PRSS16: variants seen among roughly 807,000 people sequenced by gnomAD.
The protein encoded by PRSS16 is serine protease 16.
A neutral mutation model predicts 61.7 loss-of-function variants in PRSS16; 43 were observed. The ratio of observed to expected loss-of-function variants is 0.70; its 90% confidence interval spans 0.55 to 0.90. The LOEUF (loss-of-function observed/expected upper bound fraction) is 0.90. PRSS16 is among the 40% of genes least tolerant of loss of function. The pLI, the probability that PRSS16 is intolerant of heterozygous loss-of-function variation, is 0.00. For synonymous variants in PRSS16, 273 were observed against 285.2 expected (o/e 0.96, Z 0.43); for missense variants, 591 against 659.1 (o/e 0.90, Z 1.13).
chr6:27,251,759 G>T lies in PRSS16; in HGVS notation c.727G>T (p.Ala243Ser). The change falls in exon 8 of 12, where the codon GCG (alanine) becomes TCG (serine). Residue 243 changes from alanine (A) to serine (S), a missense_variant. Transcript: ENST00000230582. The surrounding 1 kb of genome is among the most constrained non-coding windows in gnomAD (Gnocchi z 5.6). ...CTCTTGCTTCCCACAGTGCCGGGCGGCGGTGTCCGTCGCCTTCGCTGAAGT... is the reference window on the plus strand; with the variant it reads ...CTCTTGCTTCCCACAGTGCCGGGCGTCGGTGTCCGTCGCCTTCGCTGAAGT... ...AIGGSLECRA[A>S]VSVAFAEVER... The T allele has an allele frequency of 6.2e-7, 1 of 1,603,644 alleles. No homozygotes were observed.
Position 27,251,363 on chromosome 6 carries a change from CG to C in PRSS16, c.717+103del. 1 of 1,429,332 alleles carries C rather than the reference CG, an allele frequency of 7.0e-7. No individual in the cohort carries two copies. The highest frequency in any genetic ancestry group is 9.3e-7 in the Non-Finnish European group (1 of 1,069,818). 88.5% of individuals were successfully genotyped at this position (1,429,332 alleles called of 1,614,324 possible). Reference sequence around the variant, plus strand: ...GAGAAGGGCGAAACCTGCAACGTGGCGGGGTCTAAGGAAGGTCGGAGCTCGG... The same window carrying C: ...GAGAAGGGCGAAACCTGCAACGTGGCGGGTCTAAGGAAGGTCGGAGCTCGG... On this transcript the variant is annotated intron_variant, in intron 7 of 11. Coordinates refer to ENST00000230582, the MANE Select transcript of PRSS16 (RefSeq NM_005865.4). This position sits in a 1 kb window ranked among gnomAD's most constrained non-coding sequence, Gnocchi z 5.6.
chr6:27,251,611 G>GCCTGGGGGCGGGGC lies in PRSS16; in HGVS notation c.718-133_718-132insGGCGGGGCCCTGGG. The GCCTGGGGGCGGGGC allele has an allele frequency of 1.2e-6, 1 of 836,162 alleles. No individual in the cohort carries two copies. 51.8% of individuals were successfully genotyped at this position (836,162 alleles called of 1,614,324 possible). ...TGGGGGCGGGGGCCTGGGGGCGGGG[G>GCCTGGGGGCGGGGC]CCTGGGCCAAGAGCTAGGTCTGCAC... is the stretch of plus-strand genomic sequence containing the variant. On this transcript the variant is annotated intron_variant, in intron 7 of 11. Transcript: ENST00000230582. This position sits in a 1 kb window ranked among gnomAD's most constrained non-coding sequence, Gnocchi z 5.6.
rs138254301 is a variant in PRSS16, at chr6:27,247,744, G to C, written c.7G>C (p.Val3Leu). 2.5e-6 allele frequency: 4 copies of C among 1,575,342 alleles called. No homozygotes were observed. In the African/African-American group the frequency reaches 4.1e-5, roughly 16 times the overall value. MA[V>L]WLAQWLGPLL... ...GAACAGAGTCCCGAACACCATGGCCGTCTGGCTTGCCCAGTGGCTGGGCCC... is the reference window on the plus strand; with the variant it reads ...GAACAGAGTCCCGAACACCATGGCCCTCTGGCTTGCCCAGTGGCTGGGCCC... Residue 3 changes from valine (V) to leucine (L), a missense_variant, in exon 1 of 12, where the codon GTC becomes CTC. Physicochemically the swap from Val to Leu is conservative, Grantham distance 32. Transcript: ENST00000230582.
rs953184590 is a variant in PRSS16 at position 27,255,382 on chromosome 6, A to C, written c.*67A>C. On this transcript the variant is annotated 3_prime_UTR_variant, in exon 12 of 12. Coordinates refer to ENST00000230582, the MANE Select transcript of PRSS16 (RefSeq NM_005865.4). This position sits in a 1 kb window ranked among gnomAD's most constrained non-coding sequence, Gnocchi z 4.4. Reference sequence around the variant, plus strand: ...TGGACATACTTGTTCACTGAACAAAAGAAAGCAGCTTGTTTTGAAAGAAGA... The same window carrying C: ...TGGACATACTTGTTCACTGAACAAACGAAAGCAGCTTGTTTTGAAAGAAGA... 7 of 1,447,700 alleles carry C rather than the reference A, an allele frequency of 4.8e-6. No homozygotes were observed. The African/African-American group carries it at 1.0e-4, about 21-fold the overall frequency. The allele number at this position is 1,447,700 out of a possible 1,614,324, so 89.7% of individuals were successfully genotyped here.
At chr6:27,248,758 A>C (rs1761272499) in intron 2 of PRSS16, 89 bp from the exon 3 acceptor site, 1 of 838,188 alleles carries the variant, frequency 1.2e-6, no homozygotes. Flanking sequence ...GGAAAGATCC[A>C]TTAGGAAGAG....
At position 27,254,779 on chromosome 6, in the gene PRSS16, C is replaced by T. The variant is rs1247524955; in HGVS notation, c.1237C>T (p.Leu413Phe). The change falls in exon 10 of 12, where the codon CTC becomes TTC. Residue 413 changes from leucine (L) to phenylalanine (F), a missense_variant. Physicochemically the swap from Leu to Phe is conservative, Grantham distance 22 (BLOSUM62 0). Coordinates refer to ENST00000230582, the MANE Select transcript of PRSS16 (RefSeq NM_005865.4). ...AGACCTATGTGAGCAGGTGTTTGGG[C>T]TCTCAGCCTTGTCAGTAGCCCAGGC... ...QLDLCEQVFG[L>F]SALSVAQAVA... 46 of 1,614,170 alleles carry T rather than the reference C, an allele frequency of 2.8e-5. No individual in the cohort carries two copies. The highest frequency in any genetic ancestry group is 3.8e-5 in the Non-Finnish European group (45 of 1,179,988).
In PRSS16 at chr6:27,249,115, T is replaced by G. The variant is rs973183686; in HGVS notation, c.353T>G (p.Leu118Trp). 2 of 1,458,194 alleles carry G rather than the reference T, an allele frequency of 1.4e-6. No individual in the cohort carries two copies. Among genetic ancestry groups the G allele is most frequent in the Non-Finnish European group, 1.8e-6 (2 of 1,086,334 alleles). The allele number at this position is 1,458,194 out of a possible 1,614,324, so 90.3% of individuals were successfully genotyped here. Reference protein sequence around the residue: ...GSVMRGHPAALAPAWGALVIS... With the variant: ...GSVMRGHPAAWAPAWGALVIS... ...CTCTTCACAGGCCATCCCGCAGCCTTGGCCCCAGCCTGGGGCGCCCTGGTG... is the reference window on the plus strand; with the variant it reads ...CTCTTCACAGGCCATCCCGCAGCCTGGGCCCCAGCCTGGGGCGCCCTGGTG... The change falls in exon 4 of 12, where the codon TTG (leucine) becomes TGG (tryptophan). Residue 118 changes from leucine (L) to tryptophan (W), a missense_variant. By Grantham distance (61) the Leu-to-Trp change is moderately conservative. Coordinates refer to ENST00000230582, the MANE Select transcript of PRSS16 (RefSeq NM_005865.4).
chr6:27,247,709 T>C lies in PRSS16; in HGVS notation c.-29T>C. On this transcript the variant is annotated 5_prime_UTR_variant, in exon 1 of 12. Coordinates refer to ENST00000230582, the MANE Select transcript of PRSS16 (RefSeq NM_005865.4). ...GCTGCTGAGGATAAGATAAAGGTCCTCCTGGGGGAGAACAGAGTCCCGAAC... is the reference window on the plus strand; with the variant it reads ...GCTGCTGAGGATAAGATAAAGGTCCCCCTGGGGGAGAACAGAGTCCCGAAC... The C allele has an allele frequency of 6.4e-7, 1 of 1,552,760 alleles. No homozygotes were observed. The highest frequency in any genetic ancestry group is 8.7e-7 in the Non-Finnish European group (1 of 1,147,816).
chr6:27,251,807 G>T lies in PRSS16; in HGVS notation c.775G>T (p.Gly259Trp). 1.2e-6 allele frequency: 2 copies of T among 1,610,188 alleles called. No individual in the cohort carries two copies. Among genetic ancestry groups the T allele is most frequent in the South Asian group, 2.2e-5 (2 of 90,912 alleles). The change falls in exon 8 of 12, where the codon GGG (glycine) becomes TGG (tryptophan). Residue 259 changes from glycine to tryptophan, a missense_variant. Transcript: ENST00000230582. This position sits in a 1 kb window ranked among gnomAD's most constrained non-coding sequence, Gnocchi z 5.6. ...AEVERRLRSG[G>W]AAQAALRTEL... ...AGTGGAGCGGCGGCTGCGCTCGGGT[G>T]GGGCGGCTCAAGCAGCATTGCGGAC...
At position 27,251,636 on chromosome 6, in the gene PRSS16, C is replaced by G; in HGVS notation, c.718-114C>G. On this transcript the variant is annotated intron_variant, in intron 7 of 11. Coordinates refer to ENST00000230582, the MANE Select transcript of PRSS16 (RefSeq NM_005865.4). The surrounding 1 kb of genome is among the most constrained non-coding windows in gnomAD (Gnocchi z 5.6). ...GCCTGGGCCAAGAGCTAGGTCTGCA[C>G]CCTCTGAGTCCCGCTAGGGGAAAGT... The G allele has an allele frequency of 7.8e-7, 1 of 1,280,944 alleles. No individual in the cohort carries two copies. The highest frequency in any genetic ancestry group is 1.0e-6 in the Non-Finnish European group (1 of 958,540). The allele number at this position is 1,280,944 out of a possible 1,614,324, so 79.3% of individuals were successfully genotyped here. A position where few individuals can be genotyped will look rare whatever the true frequency, so the allele number is the denominator to read the frequency against.
At chr6:27,247,852 GC>G (rs781404569) in intron 1 of PRSS16, 29 bp from the exon 2 acceptor site, 7 of 1,612,990 alleles carry the variant, frequency 4.3e-6, no homozygotes, top group Non-Finnish European at 5.9e-6. Flanking sequence ...AAGGGGGCCA[GC>G]CTGACTTCCT....
chr6:27,254,943 C>T, intron 10 of PRSS16, 43 bp from the exon 11 acceptor site: 1 of 1,612,262 alleles, frequency 6.2e-7, no homozygotes, highest in Non-Finnish European at 8.5e-7. Context: ...TCATCCTCTC[C>T]CAGCACCCAT....
rs1388538162 is a variant in PRSS16, at chr6:27,251,254, G to T, written c.707G>T (p.Gly236Val). The change falls in exon 7 of 12, where the codon GGG (glycine) becomes GTG (valine). Residue 236 changes from glycine (G) to valine (V), a missense_variant. Transcript: ENST00000230582. The surrounding 1 kb of genome is among the most constrained non-coding windows in gnomAD (Gnocchi z 5.6). ...SRSLMSTAIG[G>V]SLECRAAVSV... ...AGCCTAATGAGCACCGCGATCGGCG[G>T]GTCCCTGGAGGTAGGAGGTGGGGCC... 1.9e-6 allele frequency: 3 copies of T among 1,606,670 alleles called. No homozygotes were observed. The East Asian group carries it at 6.7e-5, about 36-fold the overall frequency.
Position 27,251,601 on chromosome 6 carries a change from G to GGGGGCGGGGGCCT in PRSS16, c.718-145_718-133dup. 2.9e-6 allele frequency: 3 copies of GGGGGCGGGGGCCT among 1,027,340 alleles called. No individual in the cohort carries two copies. The highest frequency in any genetic ancestry group is 4.0e-6 in the Non-Finnish European group (3 of 742,930). 63.6% of individuals were successfully genotyped at this position (1,027,340 alleles called of 1,614,324 possible). ...GGCAGGGGATTGGGGGCGGGGGCCT[G>GGGGGCGGGGGCCT]GGGGCGGGGGCCTGGGCCAAGAGCT... On this transcript the variant is annotated intron_variant, in intron 7 of 11. Coordinates refer to ENST00000230582, the MANE Select transcript of PRSS16 (RefSeq NM_005865.4). The surrounding 1 kb of genome is among the most constrained non-coding windows in gnomAD (Gnocchi z 5.6).
intron 9 of PRSS16, 113 bp from the exon 10 acceptor site, chr6:27,254,580 A>C (rs959621195): frequency 3.8e-6 from 4 of 1,040,378 alleles, no homozygotes; most frequent in African/African-American, 1.6e-5. Context: ...AAACTCCTCG[A>C]AGGGAGTATT....
At chr6:27,247,852 G>A (rs779305198) in intron 1 of PRSS16, 30 bp from the exon 2 acceptor site, 3 of 1,612,990 alleles carry the variant, frequency 1.9e-6, no homozygotes, top group Non-Finnish European at 2.5e-6. Context: ...AAGGGGGCCA[G>A]CCTGACTTCC....
intron 5 of PRSS16, 30 bp downstream of exon 5, chr6:27,250,836 G>C: frequency 6.3e-7 from 1 of 1,588,322 alleles, no homozygotes; most frequent in Non-Finnish European, 8.6e-7. Flanking sequence ...TGGGCTGGGG[G>C]GAGGGAACTC....
chr6:27,253,215 A>G (rs375858670), intron 9 of PRSS16: 1 of 482,618 alleles, frequency 2.1e-6, no homozygotes, highest in African/African-American at 1.9e-5. Context: ...CATTCCAGGG[A>G]TGGCCCCCTT....
Position 27,252,172 on chromosome 6 carries a change from C to A in PRSS16, c.1008+132C>A. ...TCTCATCTGTAAAATGGGGATAACA[C>A]TTCACAGGGCCGATGGGAAGATGAA... is the stretch of plus-strand genomic sequence containing the variant. On this transcript the variant is annotated intron_variant, in intron 8 of 11. Transcript: ENST00000230582. This position sits in a 1 kb window ranked among gnomAD's most constrained non-coding sequence, Gnocchi z 4.2. 1.8e-6 allele frequency: 2 copies of A among 1,091,854 alleles called. No homozygotes were observed. Among genetic ancestry groups the A allele is most frequent in the Non-Finnish European group, 1.3e-6 (1 of 797,828 alleles). 67.6% of individuals were successfully genotyped at this position (1,091,854 alleles called of 1,614,324 possible).
Sources: allele counts gnomAD v4.1 joint callset, GRCh38; gene constraint gnomAD v4.1.1; non-coding constraint Gnocchi (gnomAD v3.1); transcripts MANE v1.5; gene names NCBI Gene and HGNC (gene_info 2026-07-23, HGNC 2026-07-21).